MYRIP: variants seen among roughly 807,000 people sequenced by gnomAD.
MYRIP encodes rab effector MyRIP.
A neutral mutation model predicts 98.0 loss-of-function variants in MYRIP; 49 were observed. That is an observed-to-expected ratio of 0.50 (90% CI 0.40 to 0.63). The LOEUF (loss-of-function observed/expected upper bound fraction) is 0.63, where lower values mean the gene tolerates loss of function less well. MYRIP is among the 30% of genes least tolerant of loss of function. MYRIP has a pLI of 0.00. For synonymous variants in MYRIP, 404 were observed against 409.5 expected, an observed-to-expected ratio of 0.99 and a Z score of 0.16; for missense variants, 1,004 against 1,058.2, an observed-to-expected ratio of 0.95 and a Z score of 0.71.
intron 10 of MYRIP, among the ~76,000 whole-genome samples, chr3:40,193,444 TA>T (rs1951300591): frequency 2.0e-5 from 3 of 152,204 alleles, no homozygotes; most frequent in Admixed American, 1.3e-4. Flanking sequence ...GATGGGTATT[TA>T]AAGACTTTTT....
At chr3:39,813,217 G>A (rs982858319) in intron 1 of MYRIP, among the ~76,000 whole-genome samples, 5 of 152,160 alleles carry the variant, frequency 3.3e-5, no homozygotes, top group Non-Finnish European at 7.4e-5. Flanking sequence ...CTGTAGCCAC[G>A]CTACTGTTGC....
chr3:39,928,765 T>A (rs1231769309), intron 2 of MYRIP, among the ~76,000 whole-genome samples: 1 of 151,900 alleles, frequency 6.6e-6, no homozygotes, highest in African/African-American at 2.4e-5. Flanking sequence ...CCCCTTAAAA[T>A]CAGGAACATG....
chr3:39,847,660 C>A (rs1312337717), intron 1 of MYRIP, among the ~76,000 whole-genome samples: 20 of 152,132 alleles, frequency 1.3e-4, no homozygotes, highest in Admixed American at 1.3e-3. Context: ...AAGGCCCAGG[C>A]CTCTTGGCTG....
At chr3:39,990,564 C>T (rs1176394531) in intron 2 of MYRIP, among the ~76,000 whole-genome samples, 1 of 152,184 alleles carries the variant, frequency 6.6e-6, no homozygotes, top group African/African-American at 2.4e-5. Context: ...AAAAATCAGA[C>T]ATTCAAGGGC....
At chr3:40,189,252 G>A (rs1951128113) in intron 9 of MYRIP, among the ~76,000 whole-genome samples, 1 of 152,144 alleles carries the variant, frequency 6.6e-6, no homozygotes, top group South Asian at 2.1e-4. Flanking sequence ...AAGTTTTTTG[G>A]CCTCAAGTCC....
intron 2 of MYRIP, among the ~76,000 whole-genome samples, chr3:39,945,260 A>G (rs113521037): frequency 6.9e-5 from 10 of 144,088 alleles, no homozygotes; most frequent in Non-Finnish European, 1.4e-4. Context: ...ACTTGAGCCC[A>G]GGAGTTCAAG....
At chr3:40,004,413 T>G (rs1946588306) in intron 2 of MYRIP, among the ~76,000 whole-genome samples, 1 of 152,208 alleles carries the variant, frequency 6.6e-6, no homozygotes, top group Non-Finnish European at 1.5e-5. Flanking sequence ...CCATACCATG[T>G]CAGGCCCACT....
intron 1 of MYRIP, among the ~76,000 whole-genome samples, chr3:39,822,245 C>T (rs149285710): frequency 7.4e-4 from 113 of 152,222 alleles, no homozygotes; most frequent in African/African-American, 2.6e-3. Flanking sequence ...ATACGGTATA[C>T]AGTGATCAGA....
intron 3 of MYRIP, among the ~76,000 whole-genome samples, chr3:40,113,983 T>C (rs560639528): frequency 1.1e-4 from 16 of 152,224 alleles, no homozygotes; most frequent in African/African-American, 3.9e-4. Flanking sequence ...ACCACCGCAC[T>C]CAGCCAAGAA....
intron 3 of MYRIP, among the ~76,000 whole-genome samples, chr3:40,142,541 C>T (rs1056083125): frequency 6.6e-6 from 1 of 152,094 alleles, no homozygotes; most frequent in Non-Finnish European, 1.5e-5. Context: ...TGGCACCTCG[C>T]AACCTCTGCC....
intron 2 of MYRIP, among the ~76,000 whole-genome samples, chr3:39,943,366 T>C (rs1160813019): frequency 6.6e-6 from 1 of 152,172 alleles, no homozygotes; most frequent in Admixed American, 6.6e-5. Context: ...TGTTGTTCCA[T>C]GTCCTTACTC....
rs575964457 is a variant in MYRIP at position 40,131,319 on chromosome 3, G to C, written c.333-19729G>C. ...ATCTCCATATTTGTTATTTTTTACT[G>C]TATTTCTTCTAGCCTGTCACCCTCA... On this transcript the variant is annotated intron_variant, in intron 3 of 16. Transcript: ENST00000302541. Among the ~76,000 whole-genome samples, 19 of 152,198 alleles carry C rather than the reference G, an allele frequency of 1.2e-4. 1 individual carries two copies. The highest frequency in any genetic ancestry group is 4.6e-4 in the African/African-American group (19 of 41,518).
At chr3:39,937,517 T>A (rs762857931) in intron 2 of MYRIP, among the ~76,000 whole-genome samples, 6 of 152,162 alleles carry the variant, frequency 3.9e-5, no homozygotes, top group Non-Finnish European at 5.9e-5. Context: ...CCTTGTATAT[T>A]TGAGGCCTGT....
At chr3:40,247,596 T>C (rs1300687192) in intron 13 of MYRIP, among the ~76,000 whole-genome samples, 1 of 152,216 alleles carries the variant, frequency 6.6e-6, no homozygotes, top group Admixed American at 6.5e-5. Context: ...CAATCTTGGC[T>C]CACTGCAACC....
intron 3 of MYRIP, among the ~76,000 whole-genome samples, chr3:40,131,483 A>C (rs540719926): frequency 2.8e-4 from 42 of 152,278 alleles, no homozygotes; most frequent in African/African-American, 1.0e-3. Context: ...TACATGACTT[A>C]ATATCAAACA....
At chr3:40,218,379 A>G (rs1476716718) in intron 11 of MYRIP, among the ~76,000 whole-genome samples, 2 of 151,878 alleles carry the variant, frequency 1.3e-5, no homozygotes, top group Admixed American at 6.6e-5. Flanking sequence ...GACAAAACAC[A>G]TATCAGTGGT....
intron 1 of MYRIP, among the ~76,000 whole-genome samples, chr3:39,816,020 C>T (rs1575266968): frequency 1.3e-5 from 2 of 150,002 alleles, no homozygotes; most frequent in South Asian, 2.1e-4. Context: ...ATTATGAAAA[C>T]GTTATATTTC....
chr3:40,021,303 G>A (rs772863752), intron 2 of MYRIP, among the ~76,000 whole-genome samples: 5 of 152,184 alleles, frequency 3.3e-5, no homozygotes, highest in Admixed American at 6.5e-5. Flanking sequence ...GGGGTAGCTG[G>A]CTTAGCAGCT....
chr3:40,236,847 T>G (rs1575666992), intron 12 of MYRIP, among the ~76,000 whole-genome samples: 1 of 118,444 alleles, frequency 8.4e-6, no homozygotes, highest in Non-Finnish European at 1.7e-5. Context: ...TTGGAGAGTG[T>G]TTTTTTTTTT....
Sources: gnomAD v4.1 joint callset for allele counts (sites outside exome capture counted in the v4.1 genomes callset) on GRCh38, gnomAD v4.1.1 for gene constraint, MANE v1.5 for transcripts, NCBI Gene and HGNC (gene_info 2026-07-23, HGNC 2026-07-21) for gene names.